The following RAP1GAP variants were observed in gnomAD, a reference collection of about 807,000 sequenced individuals.
RAP1GAP encodes rap1 GTPase-activating protein 1.
RAP1GAP carries 35 observed loss-of-function variants against 87.2 expected under a neutral mutation model. The observed-to-expected ratio is 0.40, with a 90% CI of 0.31 to 0.53. RAP1GAP has a LOEUF of 0.53. RAP1GAP is among the 20% of genes least tolerant of loss of function. The pLI is 0.48. For missense variants in RAP1GAP, 734 were observed against 898.9 expected, an observed-to-expected ratio of 0.82 and a Z score of 2.35; for synonymous variants, 375 against 363.9, an observed-to-expected ratio of 1.03 and a Z score of -0.35.
At chr1:21,650,595 G>A (rs1375574392) in intron 1 of RAP1GAP, among the ~76,000 whole-genome samples, 2 of 152,208 alleles carry the variant, frequency 1.3e-5, no homozygotes, top group Non-Finnish European at 2.9e-5. Context: ...GCCAGCAAGA[G>A]GACGTCCTCC....
At position 21,609,038 on chromosome 1, in the gene RAP1GAP, T is replaced by G; in HGVS notation, c.1072-102A>C. On this transcript the variant is annotated intron_variant, in intron 15 of 24. Coordinates refer to ENST00000374765, the MANE Select transcript of RAP1GAP (RefSeq NM_002885.4). The surrounding 1 kb of genome is among the most constrained non-coding windows in gnomAD (Gnocchi z 4.4). The stretch of plus-strand genomic sequence containing the variant: ...GGCAGAGGCTGCAGCTCCTGAACCA[T>G]GCTCTGCTGGGGCCTGGGGTCACCC... The G allele has an allele frequency of 1.0e-6, 1 of 994,792 alleles. No individual in the cohort carries two copies. The highest frequency in any genetic ancestry group is 1.6e-6 in the Non-Finnish European group (1 of 627,688). The allele number at this position is 994,792 out of a possible 1,614,324, so 61.6% of individuals were successfully genotyped here. A position where few individuals can be genotyped will look rare whatever the true frequency, so the allele number is the denominator to read the frequency against.
In RAP1GAP at chr1:21,613,724, C is replaced by T. The variant is rs768360200; in HGVS notation, c.396-18G>A. 3 of 1,598,818 alleles carry T rather than the reference C, an allele frequency of 1.9e-6. No individual in the cohort carries two copies. The highest frequency in any genetic ancestry group is 2.2e-5 in the East Asian group (1 of 44,796). On this transcript the variant is annotated intron_variant, in intron 8 of 24. Transcript: ENST00000374765. The surrounding 1 kb of genome is among the most constrained non-coding windows in gnomAD (Gnocchi z 4.7). ...ACTTGGTCCTGAGAAGAGAAAGTCA[C>T]ACGATGAAGGCCTGGGCAGCAGGAC...
intron 1 of RAP1GAP, chr1:21,667,686 C>A (rs1264124508): frequency 6.6e-6 from 1 of 152,268 alleles, no homozygotes; most frequent in Non-Finnish European, 1.5e-5. Context: ...GAGATCTTCT[C>A]CCATCAAGAG....
At chr1:21,665,343 C>T (rs1220600789) in intron 1 of RAP1GAP, 6 of 444,616 alleles carry the variant, frequency 1.3e-5, no homozygotes, top group Non-Finnish European at 2.8e-5. Context: ...GTCACTTTCT[C>T]TCTTTGAGCC....
chr1:21,610,342 C>T (rs116251894), intron 13 of RAP1GAP, 67 bp from the exon 14 acceptor site: 29 of 1,576,180 alleles, frequency 1.8e-5, no homozygotes, highest in Admixed American at 5.1e-5. Context: ...GGGGTGCCCA[C>T]GGGGGTTTAG....
chr1:21,651,820 C>CAT, intron 1 of RAP1GAP: 1 of 1,259,288 alleles, frequency 7.9e-7, no homozygotes, highest in Non-Finnish European at 1.0e-6. Flanking sequence ...TCCGGCCGCT[C>CAT]ATGGTGCCGC....
At chr1:21,619,749 G>C (rs1343942410) in intron 4 of RAP1GAP, among the ~76,000 whole-genome samples, 1 of 152,074 alleles carries the variant, frequency 6.6e-6, no homozygotes, top group East Asian at 1.9e-4. Context: ...TCTGTGGGGT[G>C]GGTTGATGAA....
At position 21,622,663 on chromosome 1, in the gene RAP1GAP, G is replaced by C. The variant is rs1363937067; in HGVS notation, c.-18-2613C>G. ...TGAAGCCACGCCCCCCGGGCGGCCC[G>C]GCCCGCGGCCCCGGGACACCGCGCC... is the stretch of plus-strand genomic sequence containing the variant. On this transcript the variant is annotated intron_variant, in intron 3 of 24. Transcript: ENST00000374765. This position sits in a 1 kb window ranked among gnomAD's most constrained non-coding sequence, Gnocchi z 5.7. 1 of 149,232 alleles carries C rather than the reference G, an allele frequency of 6.7e-6. No individual in the cohort carries two copies. The highest frequency in any genetic ancestry group is 1.5e-5 in the Non-Finnish European group (1 of 67,036). The allele number at this position is 149,232 out of a possible 1,614,324, so 9.2% of individuals were successfully genotyped here. A position where few individuals can be genotyped will look rare whatever the true frequency, so the allele number is the denominator to read the frequency against.
intron 20 of RAP1GAP, among the ~76,000 whole-genome samples, 196 bp downstream of exon 20, chr1:21,601,488 C>T (rs1235066265): frequency 1.3e-5 from 2 of 152,228 alleles, no homozygotes; most frequent in Non-Finnish European, 2.9e-5. Context: ...TGCTCCAGAG[C>T]CGGGCGCGGG....
At chr1:21,612,829 A>T (rs1271455328) in intron 10 of RAP1GAP, among the ~76,000 whole-genome samples, 1 of 152,206 alleles carries the variant, frequency 6.6e-6, no homozygotes, top group East Asian at 1.9e-4. Context: ...TCTGGGATAA[A>T]AAGGCAAGGC....
chr1:21,629,081 G>A (rs2093145757), intron 2 of RAP1GAP, among the ~76,000 whole-genome samples: 1 of 152,212 alleles, frequency 6.6e-6, no homozygotes, highest in Non-Finnish European at 1.5e-5. Context: ...TGGAGAAGCT[G>A]AAGCTCAGAG....
At chr1:21,614,664 G>A (rs2080810084) in intron 7 of RAP1GAP, among the ~76,000 whole-genome samples, 1 of 152,202 alleles carries the variant, frequency 6.6e-6, no homozygotes. Context: ...GAGGGCACAG[G>A]GTTGGGAAGA....
intron 2 of RAP1GAP, among the ~76,000 whole-genome samples, chr1:21,648,319 T>C (rs911063215): frequency 1.3e-5 from 2 of 152,160 alleles, no homozygotes; most frequent in African/African-American, 2.4e-5. Context: ...GGGTGGCCCC[T>C]GTCTCTGAGT....
intron 19 of RAP1GAP, among the ~76,000 whole-genome samples, chr1:21,602,083 C>G (rs962341537): frequency 6.6e-6 from 1 of 152,202 alleles, no homozygotes; most frequent in African/African-American, 2.4e-5. Context: ...CCCAGGGACG[C>G]ACAGCTAGGA....
chr1:21,656,745 G>A (rs1301398666), intron 1 of RAP1GAP, among the ~76,000 whole-genome samples: 1 of 152,174 alleles, frequency 6.6e-6, no homozygotes, highest in Non-Finnish European at 1.5e-5. Flanking sequence ...TGAAACCCCT[G>A]CCTACTTAAA....
intron 1 of RAP1GAP, among the ~76,000 whole-genome samples, chr1:21,663,763 G>A (rs1332457400): frequency 6.6e-6 from 1 of 152,112 alleles, no homozygotes; most frequent in East Asian, 1.9e-4. Context: ...GCCTGGCTGC[G>A]GCAGACACAT....
intron 7 of RAP1GAP, among the ~76,000 whole-genome samples, chr1:21,616,034 C>T (rs1215936959): frequency 1.3e-5 from 2 of 152,114 alleles, no homozygotes; most frequent in Non-Finnish European, 2.9e-5. Flanking sequence ...CCTCCCCTAA[C>T]TCCATTGGTT....
At chr1:21,648,479 A>G (rs1008453168) in intron 2 of RAP1GAP, among the ~76,000 whole-genome samples, 3 of 151,702 alleles carry the variant, frequency 2.0e-5, no homozygotes, top group South Asian at 2.1e-4. Context: ...TCATTTCCCC[A>G]CTCCGGGCTT....
rs185881608 is a variant in RAP1GAP, at chr1:21,658,651, G to T, written c.-148-8855C>A. Among the ~76,000 whole-genome samples the T allele has an allele frequency of 5.3e-5, 8 of 152,262 alleles. No homozygotes were observed. The East Asian group carries it at 1.5e-3, about 29-fold the overall frequency. Reference sequence around the variant, plus strand: ...AATCCCAGCACCTTGAGAGGCTGAGGTGAGAGGACTGCTTAAGCCCAGAAG... The same window carrying T: ...AATCCCAGCACCTTGAGAGGCTGAGTTGAGAGGACTGCTTAAGCCCAGAAG... On this transcript the variant is annotated intron_variant, in intron 1 of 24. Coordinates refer to ENST00000374765, the MANE Select transcript of RAP1GAP (RefSeq NM_002885.4).
Sources: allele counts gnomAD v4.1 joint callset (sites outside exome capture counted in the v4.1 genomes callset), GRCh38; gene constraint gnomAD v4.1.1; non-coding constraint Gnocchi (gnomAD v3.1); transcripts MANE v1.5; gene names NCBI Gene and HGNC (gene_info 2026-07-23, HGNC 2026-07-21).